Variants in COMMD7 observed in about 807,000 individuals in gnomAD.
COMMD7 encodes COMM domain containing 7.
In COMMD7, 28 loss-of-function variants were observed where a neutral mutation model predicts 34.8. The ratio of observed to expected loss-of-function variants is 0.80; its 90% CI spans 0.60 to 1.10. The LOEUF is 1.10. Ranked by LOEUF, COMMD7 falls within the 50% of genes least tolerant of loss-of-function variation. The pLI, the probability that COMMD7 is intolerant of heterozygous loss-of-function variation, is 0.00. For missense variants in COMMD7, 211 were observed against 241.6 expected (o/e 0.87, Z 0.84); for synonymous variants, 80 against 86.4 (o/e 0.93, Z 0.41).
chr20:32,734,067 G>A (rs1986000923), intron 1 of COMMD7, among the ~76,000 whole-genome samples: 1 of 151,782 alleles, frequency 6.6e-6, no homozygotes, highest in Admixed American at 6.6e-5. Context: ...TATAGTCCCA[G>A]CTACAGGGGA....
chr20:32,728,123 T>C lies in COMMD7; in HGVS notation c.104A>G (p.Glu35Gly). The C allele has an allele frequency of 6.2e-7, 1 of 1,614,048 alleles. No homozygotes were observed. The highest frequency in any genetic ancestry group is 8.5e-7 in the Non-Finnish European group (1 of 1,180,006). ...CTCAGTTAGGAAGTGGAAAAGCACCTCTGTCAGGGCTGAGAACTGCTGTGA... is the reference window on the plus strand; with the variant it reads ...CTCAGTTAGGAAGTGGAAAAGCACCCCTGTCAGGGCTGAGAACTGCTGTGA... Reference protein sequence around the residue: ...LGAQQFSALTEVLFHFLTEPK... With the variant: ...LGAQQFSALTGVLFHFLTEPK... The change falls in exon 2 of 9, where the codon GAG (glutamate) becomes GGG (glycine). Residue 35 changes from glutamate to glycine, a missense_variant. Transcript: ENST00000278980.
At chr20:32,733,126 A>G (rs1985935085) in intron 1 of COMMD7, among the ~76,000 whole-genome samples, 1 of 151,216 alleles carries the variant, frequency 6.6e-6, no homozygotes, top group Admixed American at 6.6e-5. Flanking sequence ...ATCCCAGCAG[A>G]ATTACTTCAA....
Position 32,743,243 on chromosome 20 carries a change from C to T in COMMD7, c.84+65G>A, listed in dbSNP as rs1170039175. 1.0e-5 allele frequency: 9 copies of T among 899,422 alleles called. No homozygotes were observed. The Admixed American group carries it at 2.4e-4, about 24-fold the overall frequency. 55.7% of individuals were successfully genotyped at this position (899,422 alleles called of 1,614,324 possible). ...TCCCGCGCACCCCCGGACGTCCCCC[C>T]CACCCCAGGCCCGGATCCTGGAATC... On this transcript the variant is annotated intron_variant, in intron 1 of 8. Transcript: ENST00000278980.
Position 32,740,562 on chromosome 20 carries a change from G to A in COMMD7, c.84+2746C>T, listed in dbSNP as rs186322377. Among the ~76,000 whole-genome samples the A allele has an allele frequency of 2.1e-4, 32 of 152,138 alleles. No homozygotes were observed. The South Asian group carries it at 3.5e-3, about 17-fold the overall frequency. On this transcript the variant is annotated intron_variant, in intron 1 of 8. Coordinates refer to ENST00000278980, the MANE Select transcript of COMMD7 (RefSeq NM_053041.3). The stretch of plus-strand genomic sequence containing the variant: ...AAAGATCCCCTGTTACCTAGTGATT[G>A]TCACAGAAATCCGCGCCCAGCCATG...
chr20:32,704,618 CAAGGTG>C, intron 6 of COMMD7, 129 bp from the exon 7 acceptor site: 1 of 1,011,338 alleles, frequency 9.9e-7, no homozygotes. Context: ...ATGAGGGCAG[CAAGGTG>C]TGCTTTTGGA....
At chr20:32,729,485 TAAG>T (rs1322698900) in intron 1 of COMMD7, among the ~76,000 whole-genome samples, 1 of 151,642 alleles carries the variant, frequency 6.6e-6, no homozygotes, top group Non-Finnish European at 1.5e-5. Context: ...GGGGCCCTTA[TAAG>T]AAGAGGAAGA....
In COMMD7 at chr20:32,720,870, T is replaced by G. The variant is rs543754604; in HGVS notation, c.241+7023A>C. 2.6e-5 allele frequency among the ~76,000 whole-genome samples: 4 copies of G among 152,226 alleles called. No homozygotes were observed. In the South Asian group the frequency reaches 8.3e-4, roughly 32 times the overall value. On this transcript the variant is annotated intron_variant, in intron 3 of 8. Coordinates refer to ENST00000278980, the MANE Select transcript of COMMD7 (RefSeq NM_053041.3). The stretch of plus-strand genomic sequence containing the variant: ...ACAGCATCTCCTAAATTCTATTCAA[T>G]TCGCTCTGCACGTACTGAGCACCTG...
chr20:32,738,932 C>G (rs573590231), intron 1 of COMMD7, among the ~76,000 whole-genome samples: 1 of 151,412 alleles, frequency 6.6e-6, no homozygotes, highest in Admixed American at 6.6e-5. Context: ...AGTCTTGCTA[C>G]GTTGCTTAGG....
intron 1 of COMMD7, among the ~76,000 whole-genome samples, chr20:32,729,546 C>G (rs542731180): frequency 2.4e-4 from 36 of 149,872 alleles, no homozygotes; most frequent in Non-Finnish European, 4.7e-4. Context: ...TTTGGGAGAC[C>G]AAGATGGGAG....
intron 8 of COMMD7, 144 bp downstream of exon 8, chr20:32,703,879 G>T: frequency 1.9e-6 from 3 of 1,552,974 alleles, no homozygotes; most frequent in Non-Finnish European, 2.6e-6. Flanking sequence ...CCATCTTTCA[G>T]GAGAGGAAAG....
chr20:32,727,806 C>T (rs1045716223), intron 3 of COMMD7, 87 bp downstream of exon 3: 4 of 1,139,690 alleles, frequency 3.5e-6, no homozygotes, highest in Admixed American at 1.7e-5. Context: ...CTGGCTTGGC[C>T]CACGGAGCAT....
chr20:32,713,414 A>T (rs1349522562), intron 3 of COMMD7, among the ~76,000 whole-genome samples: 1 of 152,236 alleles, frequency 6.6e-6, no homozygotes, highest in Non-Finnish European at 1.5e-5. Context: ...AAACAATATG[A>T]AGGACAAAAC....
chr20:32,728,097 G>A lies in COMMD7; in HGVS notation c.130C>T (p.Pro44Ser). Residue 44 changes from proline (P) to serine (S), a missense_variant, in exon 2 of 9, where the codon CCA becomes TCA. By Grantham distance (74) the Pro-to-Ser change is moderately conservative. Transcript: ENST00000278980. The stretch of plus-strand genomic sequence containing the variant: ...CAGAATGTTTTATTTACCTCTTTTG[G>A]CTCAGTTAGGAAGTGGAAAAGCACC... ...TEVLFHFLTE[P>S]KEVERFLAQL... The A allele has an allele frequency of 6.2e-7, 1 of 1,613,980 alleles. No homozygotes were observed. The highest frequency in any genetic ancestry group is 8.5e-7 in the Non-Finnish European group (1 of 1,179,960).
chr20:32,719,518 C>T (rs1274730677), intron 3 of COMMD7, among the ~76,000 whole-genome samples: 1 of 151,920 alleles, frequency 6.6e-6, no homozygotes, highest in Non-Finnish European at 1.5e-5. Context: ...GGCATGGTGG[C>T]GGGTGCCTGT....
At position 32,728,936 on chromosome 20, in the gene COMMD7, CTT is replaced by C. The variant is rs199849393; in HGVS notation, c.85-796_85-795del. Among the ~76,000 whole-genome samples, 1,390 of 152,208 alleles carry C rather than the reference CTT, an allele frequency of 9.1e-3. 21 individuals are homozygous for C. Among genetic ancestry groups the C allele is most frequent in the African/African-American group, 0.032 (1,332 of 41,540 alleles). Reference sequence around the variant, plus strand: ...TGTAAGACAACAATAAACTGTAACACTTTATTATACACCTAGAACAGACTCTT... The same window carrying C: ...TGTAAGACAACAATAAACTGTAACACTATTATACACCTAGAACAGACTCTT... On this transcript the variant is annotated intron_variant, in intron 1 of 8. Transcript: ENST00000278980.
intron 1 of COMMD7, among the ~76,000 whole-genome samples, chr20:32,734,061 G>A (rs969267918): frequency 1.3e-5 from 2 of 148,920 alleles, no homozygotes; most frequent in African/African-American, 2.5e-5. Flanking sequence ...GGCGCCTATA[G>A]TCCCAGCTAC....
intron 1 of COMMD7, among the ~76,000 whole-genome samples, chr20:32,736,033 G>C (rs1399234159): frequency 6.6e-6 from 1 of 152,122 alleles, no homozygotes; most frequent in Admixed American, 6.6e-5. Context: ...GTGCAATTTG[G>C]TACTATCTGC....
chr20:32,740,134 G>A (rs1398388794), intron 1 of COMMD7, among the ~76,000 whole-genome samples: 2 of 141,794 alleles, frequency 1.4e-5, no homozygotes, highest in African/African-American at 2.7e-5. Context: ...TGGCTAACAC[G>A]GTGAAACCCC....
intron 3 of COMMD7, among the ~76,000 whole-genome samples, chr20:32,718,550 T>A (rs2145739560): frequency 6.6e-6 from 1 of 151,712 alleles, no homozygotes; most frequent in South Asian, 2.1e-4. Context: ...ATACAAAAAA[T>A]CAGCTGGGCG....
Sources: allele counts gnomAD v4.1 joint callset (sites outside exome capture counted in the v4.1 genomes callset), GRCh38; gene constraint gnomAD v4.1.1; transcripts MANE v1.5; gene names NCBI Gene and HGNC (gene_info 2026-07-23, HGNC 2026-07-21).